Variants in KIAA0753 observed in about 807,000 individuals in gnomAD.
The protein encoded by KIAA0753 is KIAA0753, also known as protein moonraker.
Under a neutral mutation model 116.9 loss-of-function variants are expected in KIAA0753, and 114 were observed. The observed-to-expected ratio is 0.98, with a 90% CI of 0.84 to 1.14. The LOEUF (loss-of-function observed/expected upper bound fraction) is 1.14. Among genes scored for constraint, KIAA0753 ranks in the 50% most tolerant of loss-of-function variants. KIAA0753 has a pLI of 0.00. For missense variants in KIAA0753, 1,156 were observed against 1,172.4 expected, an observed-to-expected ratio of 0.99 and a Z score of 0.20; for synonymous variants, 405 against 413.1, an observed-to-expected ratio of 0.98 and a Z score of 0.24.
chr17:6,603,697 CAG>C (rs1157343015), intron 12 of KIAA0753, among the ~76,000 whole-genome samples: 1 of 152,142 alleles, frequency 6.6e-6, no homozygotes, highest in African/African-American at 2.4e-5. Context: ...TTATATTTCC[CAG>C]AGTAGGTACT....
chr17:6,583,839 T>C (rs1459946732), intron 18 of KIAA0753, among the ~76,000 whole-genome samples: 2 of 152,242 alleles, frequency 1.3e-5, no homozygotes, highest in East Asian at 1.9e-4. Flanking sequence ...CTTGGTATTG[T>C]CTTGTCCCTC....
At chr17:6,588,406 G>A (rs1968739732) in intron 18 of KIAA0753, among the ~76,000 whole-genome samples, 1 of 152,144 alleles carries the variant, frequency 6.6e-6, no homozygotes, top group Admixed American at 6.5e-5. Flanking sequence ...CAGGAAGGGT[G>A]ATGAGGAAGG....
At chr17:6,629,913 G>A (rs923597092) in intron 2 of KIAA0753, among the ~76,000 whole-genome samples, 1 of 152,208 alleles carries the variant, frequency 6.6e-6, no homozygotes, top group African/African-American at 2.4e-5. Context: ...GAGGTCAGGA[G>A]TTTGAGACCA....
intron 7 of KIAA0753, among the ~76,000 whole-genome samples, chr17:6,615,752 G>A (rs1209468883): frequency 6.6e-6 from 1 of 151,448 alleles, no homozygotes; most frequent in Admixed American, 6.6e-5. Context: ...AAAACAGCAT[G>A]TTTCAGGAGT....
chr17:6,622,824 G>A (rs1971415784), intron 6 of KIAA0753, 58 bp downstream of exon 6: 1 of 1,411,300 alleles, frequency 7.1e-7, no homozygotes, highest in Non-Finnish European at 1.0e-6. Context: ...ACGAAACTAG[G>A]TAATAGTAAG....
intron 16 of KIAA0753, among the ~76,000 whole-genome samples, chr17:6,594,164 T>C (rs983928761): frequency 6.6e-6 from 1 of 152,140 alleles, no homozygotes; most frequent in Non-Finnish European, 1.5e-5. Flanking sequence ...TTATTCCTAA[T>C]AGCCCAAAAT....
At chr17:6,599,815 A>G (rs1162246143) in intron 13 of KIAA0753, among the ~76,000 whole-genome samples, 1 of 152,178 alleles carries the variant, frequency 6.6e-6, no homozygotes, top group Non-Finnish European at 1.5e-5. Flanking sequence ...ATTTAAATTT[A>G]TAATATTCTT....
intron 7 of KIAA0753, among the ~76,000 whole-genome samples, chr17:6,615,154 C>G (rs147401714): frequency 6.6e-6 from 1 of 152,250 alleles, no homozygotes; most frequent in East Asian, 1.9e-4. Context: ...AGTCTCGTCT[C>G]CAACTCCTGA....
intron 7 of KIAA0753, among the ~76,000 whole-genome samples, chr17:6,617,716 C>A (rs1273577591): frequency 6.6e-6 from 1 of 152,246 alleles, no homozygotes; most frequent in Non-Finnish European, 1.5e-5. Flanking sequence ...AAGCTTGGAA[C>A]TCCCACTCCC....
In KIAA0753 at chr17:6,622,996, A is replaced by T; in HGVS notation, c.990T>A (p.Pro330=). Residue 330 remains proline (P), a synonymous_variant, in exon 6 of 19, where the codon CCT becomes CCA. Coordinates refer to ENST00000361413, the MANE Select transcript of KIAA0753 (RefSeq NM_014804.3). ...QFTDRGEHPL[P]ARCKELGSLI... is the part of the protein sequence containing the mutation. ...GGCTGCCCAGTTCCTTACACCGAGC[A>T]GGAAGTGGATGCTCCCCTCGGTCAG... 6.2e-7 allele frequency: 1 copy of T among 1,614,210 alleles called. No individual in the cohort carries two copies. Among genetic ancestry groups the T allele is most frequent in the African/African-American group, 1.3e-5 (1 of 75,060 alleles).
intron 16 of KIAA0753, among the ~76,000 whole-genome samples, chr17:6,591,023 G>T (rs1292559156): frequency 1.0e-5 from 1 of 98,456 alleles, no homozygotes; most frequent in Non-Finnish European, 1.9e-5. Flanking sequence ...GAAGAAGGAA[G>T]AAGGAAGAAG....
At chr17:6,622,761 A>G (rs560569534) in intron 6 of KIAA0753, 121 bp downstream of exon 6, 1 of 832,408 alleles carries the variant, frequency 1.2e-6, no homozygotes, top group Non-Finnish European at 2.0e-6. Flanking sequence ...TGCCCTCTGC[A>G]AAGCTTTAAT....
At position 6,612,089 on chromosome 17, in the gene KIAA0753, C is replaced by T. The variant is rs1367348426; in HGVS notation, c.1375G>A (p.Val459Ile). ...ETQRLQSELD[V>I]LDADIVLEEG... ...TCCAGAACTATATCCGCATCTAATA[C>T]ATCAAGCTCACTCTGCAACCTCTGG... The change falls in exon 8 of 19, where the codon GTA (valine) becomes ATA (isoleucine). Residue 459 changes from valine to isoleucine, a missense_variant. Coordinates refer to ENST00000361413, the MANE Select transcript of KIAA0753 (RefSeq NM_014804.3). 4 of 1,614,192 alleles carry T rather than the reference C, an allele frequency of 2.5e-6. No individual in the cohort carries two copies. The highest frequency in any genetic ancestry group is 1.6e-4 in the Middle Eastern group (1 of 6,062).
intron 18 of KIAA0753, among the ~76,000 whole-genome samples, chr17:6,588,941 C>T (rs1968784009): frequency 6.6e-6 from 1 of 152,166 alleles, no homozygotes; most frequent in Non-Finnish European, 1.5e-5. Context: ...AGGCCTGCTA[C>T]TGATAAAAGC....
chr17:6,580,597 T>C lies in KIAA0753; in HGVS notation c.2787-733A>G, dbSNP rs113715345. ...TCCCAAAGTGCTGGGATTACAGGCA[T>C]GAGCCACTGTGCCCGGCCAAGATAC... is the stretch of plus-strand genomic sequence containing the variant. On this transcript the variant is annotated intron_variant, in intron 18 of 18. Coordinates refer to ENST00000361413, the MANE Select transcript of KIAA0753 (RefSeq NM_014804.3). 7.7e-3 allele frequency among the ~76,000 whole-genome samples: 1,167 copies of C among 152,234 alleles called. 12 individuals are homozygous for C. The highest frequency in any genetic ancestry group is 0.026 in the African/African-American group (1,064 of 41,538).
intron 18 of KIAA0753, among the ~76,000 whole-genome samples, chr17:6,588,054 A>G (rs1364037680): frequency 6.6e-6 from 1 of 152,164 alleles, no homozygotes; most frequent in Non-Finnish European, 1.5e-5. Flanking sequence ...ATGAAGGCAG[A>G]GTGCAGTATG....
At chr17:6,615,099 A>G (rs1485641114) in intron 7 of KIAA0753, among the ~76,000 whole-genome samples, 1 of 151,242 alleles carries the variant, frequency 6.6e-6, no homozygotes, top group South Asian at 2.1e-4. Context: ...ACGCCTGGCT[A>G]ATTTTTGTAT....
At chr17:6,610,324 T>C (rs1970447391) in intron 8 of KIAA0753, among the ~76,000 whole-genome samples, 164 bp from the exon 9 acceptor site, 1 of 133,218 alleles carries the variant, frequency 7.5e-6, no homozygotes, top group Admixed American at 7.7e-5. Context: ...GGGTGTAAAT[T>C]TCATTGAAAC....
intron 8 of KIAA0753, among the ~76,000 whole-genome samples, chr17:6,611,303 AT>A (rs1026624237): frequency 3.1e-4 from 46 of 149,528 alleles, no homozygotes; most frequent in East Asian, 1.2e-3. Context: ...GCAGGAACTA[AT>A]TTTTTTTTTT....
Sources: gnomAD v4.1 joint callset for allele counts (sites outside exome capture counted in the v4.1 genomes callset) on GRCh38, gnomAD v4.1.1 for gene constraint, MANE v1.5 for transcripts, NCBI Gene and HGNC (gene_info 2026-07-23, HGNC 2026-07-21) for gene names.